Variants in KRIT1 observed in about 807,000 individuals in gnomAD.
KRIT1 encodes the protein KRIT1 ankyrin repeat containing.
KRIT1 carries 45 observed loss-of-function variants against 95.8 expected under a neutral mutation model. That is an observed-to-expected ratio of 0.47 (90% CI 0.37 to 0.60). KRIT1 has a LOEUF of 0.60. Among genes scored for constraint, KRIT1 ranks in the 20% least tolerant of loss-of-function variants. The probability of loss-of-function intolerance (pLI) is 0.00; values close to 1 mark genes in which losing one functional copy is unlikely to be tolerated. For synonymous variants in KRIT1, 282 were observed against 278.8 expected (o/e 1.01, Z -0.11); for missense variants, 788 against 877.5 (o/e 0.90, Z 1.29).
At chr7:92,234,632 T>G in intron 9 of KRIT1, 40 bp from the exon 10 acceptor site, 1 of 1,561,078 alleles carries the variant, frequency 6.4e-7, no homozygotes, top group Non-Finnish European at 8.8e-7. Flanking sequence ...ACAACAGGAC[T>G]GTAAAAATTG....
At chr7:92,233,101 T>C (rs964594176) in intron 10 of KRIT1, among the ~76,000 whole-genome samples, 1 of 151,558 alleles carries the variant, frequency 6.6e-6, no homozygotes, top group African/African-American at 2.4e-5. Context: ...AATACAAAAA[T>C]TCCATGTAAT....
intron 14 of KRIT1, among the ~76,000 whole-genome samples, chr7:92,219,699 C>G (rs545897086): frequency 1.3e-5 from 2 of 152,176 alleles, no homozygotes; most frequent in Non-Finnish European, 2.9e-5. Context: ...CTGTTAGGGA[C>G]TGCATTAAAT....
intron 5 of KRIT1, among the ~76,000 whole-genome samples, chr7:92,239,210 G>C (rs1047928896): frequency 2.6e-5 from 4 of 151,798 alleles, no homozygotes; most frequent in Non-Finnish European, 4.4e-5. Flanking sequence ...ACTGTCACTC[G>C]TAACTCCTCC....
upstream of KRIT1, chr7:92,246,090 TGAGCCGGAGCCG>T (rs886062498): frequency 7.1e-6 from 2 of 282,210 alleles, no homozygotes; most frequent in Non-Finnish European, 1.4e-5. Context: ...TGCCAGCGGC[TGAGCCGGAGCCG>T]GAGCCGGAGG....
intron 12 of KRIT1, among the ~76,000 whole-genome samples, chr7:92,224,173 A>G (rs904078680): frequency 3.9e-5 from 6 of 152,226 alleles, no homozygotes; most frequent in African/African-American, 1.4e-4. Flanking sequence ...ATCCAAAGAG[A>G]TACTCAACAA....
intron 17 of KRIT1, among the ~76,000 whole-genome samples, chr7:92,202,832 G>T (rs1032634003): frequency 3.3e-5 from 5 of 152,136 alleles, no homozygotes; most frequent in Admixed American, 3.3e-4. Context: ...TTTAAAAATG[G>T]CTATCTACAT....
At chr7:92,210,936 C>T (rs192210965) in intron 17 of KRIT1, among the ~76,000 whole-genome samples, 300 of 152,182 alleles carry the variant, frequency 2.0e-3, no homozygotes, top group African/African-American at 6.8e-3. Context: ...AAATGCTTAC[C>T]ACGAGTAATC....
At position 92,233,552 on chromosome 7, in the gene KRIT1, G is replaced by A. The variant is rs546201778; in HGVS notation, c.989+897C>T. Among the ~76,000 whole-genome samples the A allele has an allele frequency of 1.3e-4, 20 of 151,870 alleles. No homozygotes were observed. The East Asian group carries it at 1.8e-3, about 13-fold the overall frequency. On this transcript the variant is annotated intron_variant, in intron 10 of 18. Transcript: ENST00000394505. ...CTCCCAAGTAGCTGGGATTACAGGCGTGCACCACCACGCCCGGCTAATTTT... is the reference window on the plus strand; with the variant it reads ...CTCCCAAGTAGCTGGGATTACAGGCATGCACCACCACGCCCGGCTAATTTT...
chr7:92,218,742 T>G (rs1441885531), intron 14 of KRIT1, among the ~76,000 whole-genome samples: 2 of 152,152 alleles, frequency 1.3e-5, no homozygotes, highest in Non-Finnish European at 2.9e-5. Context: ...ATATTCTGGA[T>G]AGTAAACCCT....
chr7:92,237,299 T>C (rs1232582822), intron 6 of KRIT1, among the ~76,000 whole-genome samples: 1 of 152,180 alleles, frequency 6.6e-6, no homozygotes, highest in Non-Finnish European at 1.5e-5. Context: ...AAATACAAGA[T>C]AGGTTCTGAT....
At chr7:92,218,183 C>T (rs544398569) in intron 14 of KRIT1, among the ~76,000 whole-genome samples, 2 of 152,092 alleles carry the variant, frequency 1.3e-5, no homozygotes, top group South Asian at 2.1e-4. Context: ...TCCTGAGTAG[C>T]TAGAACCACA....
rs1379958318 is a variant in KRIT1, at chr7:92,221,896, G to A, written c.1563+6C>T. 2 of 1,612,096 alleles carry A rather than the reference G, an allele frequency of 1.2e-6. No individual in the cohort carries two copies. Among genetic ancestry groups the A allele is most frequent in the East Asian group, 4.5e-5 (2 of 44,804 alleles). ...AAATAACTGTAAATAAGATTTCCAA[G>A]CAAACCTGTTTTTCAACTTCCAAGG... is the stretch of plus-strand genomic sequence containing the variant. On this transcript the variant is annotated splice_donor_region_variant and intron_variant, in intron 14 of 18. Coordinates refer to ENST00000394505, the MANE Select transcript of KRIT1 (RefSeq NM_194454.3).
chr7:92,224,916 T>C (rs1440271715), intron 12 of KRIT1, among the ~76,000 whole-genome samples: 6 of 152,094 alleles, frequency 3.9e-5, no homozygotes, highest in Non-Finnish European at 7.4e-5. Context: ...TCCCAGCACT[T>C]TGGGAGGCTG....
intron 5 of KRIT1, among the ~76,000 whole-genome samples, chr7:92,238,556 C>T (rs1798908554): frequency 1.3e-5 from 2 of 152,158 alleles, no homozygotes; most frequent in African/African-American, 2.4e-5. Flanking sequence ...AAAATGAACA[C>T]TTGTACAAAA....
In KRIT1 at chr7:92,200,411, G is replaced by T; in HGVS notation, c.*325C>A. Reference sequence around the variant, plus strand: ...GCTGTGTCACCCAGGCTAGCGTGCCGTGGTGCAATCTTGGCTCACTACAAC... The same window carrying T: ...GCTGTGTCACCCAGGCTAGCGTGCCTTGGTGCAATCTTGGCTCACTACAAC... On this transcript the variant is annotated 3_prime_UTR_variant, in exon 19 of 19. Coordinates refer to ENST00000394505, the MANE Select transcript of KRIT1 (RefSeq NM_194454.3). 2 of 293,846 alleles carry T rather than the reference G, an allele frequency of 6.8e-6. No homozygotes were observed. The highest frequency in any genetic ancestry group is 1.3e-5 in the Non-Finnish European group (2 of 152,908). 18.2% of individuals were successfully genotyped at this position (293,846 alleles called of 1,614,324 possible). A position where few individuals can be genotyped will look rare whatever the true frequency, so the allele number is the denominator to read the frequency against.
chr7:92,204,160 C>G (rs1270972821), intron 17 of KRIT1: 1 of 151,640 alleles, frequency 6.6e-6, no homozygotes. Context: ...ACTTGGGAGG[C>G]TGAGGCAGGA....
intron 17 of KRIT1, among the ~76,000 whole-genome samples, chr7:92,208,856 C>T (rs1278110302): frequency 6.8e-6 from 1 of 148,038 alleles, no homozygotes; most frequent in African/African-American, 2.5e-5. Context: ...AGGCCAGCAT[C>T]ATTCCAATAA....
intron 10 of KRIT1, 95 bp downstream of exon 10, chr7:92,234,354 G>A (rs1045024545): frequency 7.0e-6 from 7 of 993,060 alleles, no homozygotes; most frequent in Non-Finnish European, 7.8e-6. Flanking sequence ...TAGAGAAAAA[G>A]TATTTGGAAT....
chr7:92,236,939 G>C (rs887864614), intron 6 of KRIT1, among the ~76,000 whole-genome samples: 1 of 152,128 alleles, frequency 6.6e-6, no homozygotes, highest in African/African-American at 2.4e-5. Flanking sequence ...GATGTCCATG[G>C]TGGGTGATTA....
Sources: gnomAD v4.1 joint callset for allele counts (sites outside exome capture counted in the v4.1 genomes callset) on GRCh38, gnomAD v4.1.1 for gene constraint, MANE v1.5 for transcripts, NCBI Gene and HGNC (gene_info 2026-07-23, HGNC 2026-07-21) for gene names.